ITIH5: variants seen among roughly 807,000 people sequenced by gnomAD.
The protein encoded by ITIH5 is inter-alpha-trypsin inhibitor heavy chain 5.
Under a neutral mutation model 77.5 loss-of-function variants are expected in ITIH5, and 65 were observed. That is an observed-to-expected ratio of 0.84 (90% CI 0.69 to 1.03). The LOEUF (loss-of-function observed/expected upper bound fraction) is 1.03. Ranked by LOEUF, ITIH5 falls within the 50% of genes least tolerant of loss-of-function variation. The pLI is 0.00. For synonymous variants in ITIH5, 525 were observed against 494.3 expected, an observed-to-expected ratio of 1.06 and a Z score of -0.82; for missense variants, 1,208 against 1,213.1, an observed-to-expected ratio of 1.00 and a Z score of 0.06.
In ITIH5 at chr10:7,579,834, GCA is replaced by G. The variant is rs1454401332; in HGVS notation, c.1337_1338del (p.Leu446ProfsTer31). The G allele has an allele frequency of 6.2e-7, 1 of 1,614,214 alleles. No individual in the cohort carries two copies. Among genetic ancestry groups the G allele is most frequent in the African/African-American group, 1.3e-5 (1 of 75,074 alleles). On this transcript the variant is annotated frameshift_variant, in exon 9 of 14. Coordinates refer to ENST00000397146, the MANE Select transcript of ITIH5 (RefSeq NM_030569.7). LOFTEE classifies it high-confidence loss of function. ...CAGTTCTCCAGCGACAGTTTCTCCAGCAGCCTGAAGTCCACGTCGTTGCCGAT... is the reference window on the plus strand; with the variant it reads ...CAGTTCTCCAGCGACAGTTTCTCCAGGCCTGAAGTCCACGTCGTTGCCGAT... ...IGIGNDVDFR[L>X]LEKLSLENCG...
chr10:7,613,799 T>C (rs1833307152), intron 7 of ITIH5, among the ~76,000 whole-genome samples: 1 of 151,320 alleles, frequency 6.6e-6, no homozygotes. Context: ...CTCTGTAGCT[T>C]AGGGGTGCTC....
Position 7,630,386 on chromosome 10 carries a change from G to A in ITIH5, c.652+6842C>T, listed in dbSNP as rs150483945. Among the ~76,000 whole-genome samples the A allele has an allele frequency of 4.3e-3, 647 of 152,224 alleles. 6 individuals are homozygous for A. The highest frequency in any genetic ancestry group is 0.02 in the Middle Eastern group (6 of 294). On this transcript the variant is annotated intron_variant, in intron 5 of 13. Transcript: ENST00000397146. ...TCTTGCTAGATCTCTTAACTTGCTC[G>A]TTTTAACTTTTTAAGGAATCTTCAA...
rs79444082 is a variant in ITIH5 at position 7,660,600 on chromosome 10, C to T, written c.91-4925G>A. On this transcript the variant is annotated intron_variant, in intron 1 of 13. Transcript: ENST00000397146. Reference sequence around the variant, plus strand: ...GGTGGGAAAAAAAACCTGCCAGTGCCGCTTAAATGTTTATAATTTGACTGA... The same window carrying T: ...GGTGGGAAAAAAAACCTGCCAGTGCTGCTTAAATGTTTATAATTTGACTGA... 6.9e-3 allele frequency among the ~76,000 whole-genome samples: 1,050 copies of T among 152,280 alleles called. 15 individuals carry two copies. The highest frequency in any genetic ancestry group is 0.023 in the African/African-American group (975 of 41,576).
intron 12 of ITIH5, among the ~76,000 whole-genome samples, chr10:7,567,211 A>G (rs1001084086): frequency 3.3e-5 from 5 of 152,038 alleles, no homozygotes; most frequent in African/African-American, 1.2e-4. Flanking sequence ...ACAGCTTACC[A>G]TGTTCGTCTG....
rs1230116975 is a variant in ITIH5 at position 7,584,921 on chromosome 10, T to C, written c.1108+980A>G. Among the ~76,000 whole-genome samples the C allele has an allele frequency of 3.9e-5, 6 of 152,152 alleles. No individual in the cohort carries two copies. The South Asian group carries it at 6.2e-4, about 16-fold the overall frequency. On this transcript the variant is annotated intron_variant, in intron 8 of 13. Transcript: ENST00000397146. Reference sequence around the variant, plus strand: ...TACTGTTTGGGAGGCTAGTAGGAAATCCCAGTGTAAATGGAAAGTACCAGC... The same window carrying C: ...TACTGTTTGGGAGGCTAGTAGGAAACCCCAGTGTAAATGGAAAGTACCAGC...
chr10:7,629,374 T>C lies in ITIH5; in HGVS notation c.652+7854A>G, dbSNP rs374588051. 1.1e-3 allele frequency among the ~76,000 whole-genome samples: 127 copies of C among 119,710 alleles called. 1 individual carries two copies. The highest frequency in any genetic ancestry group is 4.0e-3 in the African/African-American group (93 of 23,090). 78.5% of individuals were successfully genotyped at this position (119,710 alleles called of 152,430 possible). On this transcript the variant is annotated intron_variant, in intron 5 of 13. Coordinates refer to ENST00000397146, the MANE Select transcript of ITIH5 (RefSeq NM_030569.7). ...GCGTGTGTCCCTGTTGTAGCGTGTG[T>C]CCATGTTGTAGCGTGTGTCCATGTT...
Position 7,617,107 on chromosome 10 carries a change from T to C in ITIH5, c.822+6A>G, listed in dbSNP as rs1427532829. 6.5e-7 allele frequency: 1 copy of C among 1,526,968 alleles called. No individual in the cohort carries two copies. The highest frequency in any genetic ancestry group is 1.4e-5 in the African/African-American group (1 of 70,696). The allele number at this position is 1,526,968 out of a possible 1,614,324, so 94.6% of individuals were successfully genotyped here. A position where few individuals can be genotyped will look rare whatever the true frequency, so the allele number is the denominator to read the frequency against. The stretch of plus-strand genomic sequence containing the variant: ...CAACATGAAATAGCAACGACGATCC[T>C]ATTACCTGGATGTCCCCAATGCTCT... On this transcript the variant is annotated splice_donor_region_variant and intron_variant, in intron 6 of 13. Coordinates refer to ENST00000397146, the MANE Select transcript of ITIH5 (RefSeq NM_030569.7).
intron 5 of ITIH5, among the ~76,000 whole-genome samples, chr10:7,636,943 C>T (rs1588418264): frequency 6.6e-6 from 1 of 152,098 alleles, no homozygotes; most frequent in Admixed American, 6.5e-5. Flanking sequence ...CCCAGCTACT[C>T]AGGAGGCTGA....
chr10:7,608,660 C>A (rs762106159), intron 7 of ITIH5, among the ~76,000 whole-genome samples: 44 of 152,196 alleles, frequency 2.9e-4, no homozygotes, highest in Admixed American at 1.1e-3. Flanking sequence ...TTGGACATCA[C>A]TGGACTTGAC....
intron 12 of ITIH5, among the ~76,000 whole-genome samples, chr10:7,568,133 T>A (rs1172479219): frequency 6.6e-6 from 1 of 152,184 alleles, no homozygotes; most frequent in African/African-American, 2.4e-5. Context: ...GCACTTGAGA[T>A]GTTTGGGGCT....
chr10:7,602,409 G>A (rs1470168485), intron 7 of ITIH5, among the ~76,000 whole-genome samples: 15 of 152,270 alleles, frequency 9.9e-5, no homozygotes, highest in Admixed American at 7.8e-4. Context: ...TAATCCCTAC[G>A]TGTCAAGGGC....
At position 7,576,484 on chromosome 10, in the gene ITIH5, C is replaced by T; in HGVS notation, c.1947G>A (p.Val649=). ...GCGTGCCAGCTCCTCGCACGCTCTGCACCACCGGTTCGGGTCCCATGGCAG... is the reference window on the plus strand; with the variant it reads ...GCGTGCCAGCTCCTCGCACGCTCTGTACCACCGGTTCGGGTCCCATGGCAG... ...MSAAMGPEPV[V]QSVRGAGTQP... Residue 649 remains valine (V), a synonymous_variant, in exon 10 of 14, where the codon GTG becomes GTA. Transcript: ENST00000397146. 1.2e-6 allele frequency: 2 copies of T among 1,607,134 alleles called. No individual in the cohort carries two copies. Among genetic ancestry groups the T allele is most frequent in the Non-Finnish European group, 1.7e-6 (2 of 1,179,268 alleles).
At chr10:7,607,556 G>A (rs150676146) in intron 7 of ITIH5, among the ~76,000 whole-genome samples, 164 of 152,362 alleles carry the variant, frequency 1.1e-3, no homozygotes, top group African/African-American at 3.8e-3. Context: ...GTTCATGCCT[G>A]TAATCCCAGC....
chr10:7,627,827 C>CTTTTTTTTTTT (rs869139058), intron 5 of ITIH5, among the ~76,000 whole-genome samples: 2 of 90,838 alleles, frequency 2.2e-5, no homozygotes, highest in East Asian at 7.4e-4. Flanking sequence ...TGAAATTAAC[C>CTTTTTTTTTTT]TTTTTTTTTT....
intron 2 of ITIH5, among the ~76,000 whole-genome samples, chr10:7,651,672 C>T (rs2131100917): frequency 6.6e-6 from 1 of 152,140 alleles, no homozygotes; most frequent in Non-Finnish European, 1.5e-5. Context: ...CAATACTCCC[C>T]CTACCCTAAA....
chr10:7,627,189 G>A lies in ITIH5; in HGVS notation c.653-9907C>T, dbSNP rs138804662. Among the ~76,000 whole-genome samples, 169 of 152,204 alleles carry A rather than the reference G, an allele frequency of 1.1e-3. 2 individuals are homozygous for A. The East Asian group carries it at 0.022, about 20-fold the overall frequency. On this transcript the variant is annotated intron_variant, in intron 5 of 13. Transcript: ENST00000397146. ...CATTAGGACAAAAGCTAATACATGCGGGGCTTAAAACCTAGATGACGGGTT... is the reference window on the plus strand; with the variant it reads ...CATTAGGACAAAAGCTAATACATGCAGGGCTTAAAACCTAGATGACGGGTT...
At chr10:7,642,253 T>A (rs1340908733) in intron 2 of ITIH5, among the ~76,000 whole-genome samples, 163 bp from the exon 3 acceptor site, 2 of 152,188 alleles carry the variant, frequency 1.3e-5, no homozygotes, top group Non-Finnish European at 2.9e-5. Flanking sequence ...TTTCCCCATT[T>A]TTAACTCCCT....
chr10:7,654,164 G>A (rs931992725), intron 2 of ITIH5, among the ~76,000 whole-genome samples: 3 of 152,094 alleles, frequency 2.0e-5, no homozygotes, highest in African/African-American at 7.2e-5. Flanking sequence ...TAAGCATTCG[G>A]TTGACATGAG....
intron 7 of ITIH5, among the ~76,000 whole-genome samples, chr10:7,612,674 T>A (rs1286757272): frequency 2.0e-5 from 3 of 149,334 alleles, no homozygotes; most frequent in Non-Finnish European, 4.5e-5. Flanking sequence ...TTTTTTTTTT[T>A]AGAAAGGAAA....
Sources: allele counts gnomAD v4.1 joint callset (sites outside exome capture counted in the v4.1 genomes callset), GRCh38; gene constraint gnomAD v4.1.1; transcripts MANE v1.5; gene names NCBI Gene and HGNC (gene_info 2026-07-23, HGNC 2026-07-21).